The following TTC39C variants were observed in gnomAD, a reference collection of about 807,000 sequenced individuals.
TTC39C encodes the protein tetratricopeptide repeat protein 39C.
TTC39C carries 33 observed loss-of-function variants against 76.3 expected under a neutral mutation model. That is an observed-to-expected ratio of 0.43 (90% confidence interval 0.33 to 0.58). The LOEUF is 0.58. TTC39C is among the 20% of genes least tolerant of loss of function. The probability of loss-of-function intolerance (pLI) is 0.04; values close to 1 mark genes in which losing one functional copy is unlikely to be tolerated. For missense variants in TTC39C, 595 were observed against 701.4 expected, an observed-to-expected ratio of 0.85 and a Z score of 1.71; for synonymous variants, 254 against 260.6, an observed-to-expected ratio of 0.97 and a Z score of 0.24.
chr18:23,997,652 G>GAGAAAGAAAGAA (rs1176951123), intron 1 of TTC39C, among the ~76,000 whole-genome samples: 2 of 44,394 alleles, frequency 4.5e-5, no homozygotes, highest in African/African-American at 9.2e-5. Flanking sequence ...AGGAAGGAAG[G>GAGAAAGAAAGAA]AGAAAGAAAG....
chr18:24,015,220 C>T lies in TTC39C; in HGVS notation c.167+182C>T, dbSNP rs926172146. 9 of 527,128 alleles carry T rather than the reference C, an allele frequency of 1.7e-5. No individual in the cohort carries two copies. In the African/African-American group the frequency reaches 1.8e-4, roughly 11 times the overall value. 32.7% of individuals were successfully genotyped at this position (527,128 alleles called of 1,614,324 possible). A position where few individuals can be genotyped will look rare whatever the true frequency, so the allele number is the denominator to read the frequency against. ...TGCGCCTCTGCCACATCTCCTCGTC[C>T]ACCCCCTACCCCCGGCTCCGTTGTC... On this transcript the variant is annotated intron_variant, in intron 1 of 13. Transcript: ENST00000317571.
At chr18:24,130,233 C>A in intron 11 of TTC39C, 80 bp from the exon 12 acceptor site, 2 of 664,252 alleles carry the variant, frequency 3.0e-6, no homozygotes, top group South Asian at 1.9e-5. Context: ...TCCCCCTTCC[C>A]GCCCCCTCTT....
At chr18:24,110,313 G>GT (rs1252527219) in intron 6 of TTC39C, among the ~76,000 whole-genome samples, 4 of 152,200 alleles carry the variant, frequency 2.6e-5, no homozygotes, top group African/African-American at 9.6e-5. Flanking sequence ...AGCAAGCCCT[G>GT]TTTAATGGTG....
At chr18:24,031,663 C>G (rs1261862737) in intron 1 of TTC39C, among the ~76,000 whole-genome samples, 1 of 152,204 alleles carries the variant, frequency 6.6e-6, no homozygotes, top group Non-Finnish European at 1.5e-5. Context: ...ACTGGCTCAG[C>G]TGGCTGCCTT....
chr18:24,082,202 G>A (rs2084385516), intron 5 of TTC39C, among the ~76,000 whole-genome samples: 1 of 151,382 alleles, frequency 6.6e-6, no homozygotes, highest in African/African-American at 2.4e-5. Flanking sequence ...GTTTAACATG[G>A]CCATTTTTTT....
At chr18:24,070,885 A>G (rs536729428) in intron 4 of TTC39C, among the ~76,000 whole-genome samples, 24 of 152,264 alleles carry the variant, frequency 1.6e-4, no homozygotes, top group Non-Finnish European at 2.6e-4. Context: ...AGGAGGATAA[A>G]GCAAATGTAA....
At chr18:24,062,331 G>A (rs1270523681) in intron 1 of TTC39C, among the ~76,000 whole-genome samples, 1 of 152,208 alleles carries the variant, frequency 6.6e-6, no homozygotes, top group Non-Finnish European at 1.5e-5. Context: ...CTCAGCACTT[G>A]ATTGAGATGT....
intron 1 of TTC39C, among the ~76,000 whole-genome samples, chr18:24,051,766 T>C (rs2083952561): frequency 6.6e-6 from 1 of 152,240 alleles, no homozygotes; most frequent in South Asian, 2.1e-4. Context: ...AAAGCAGTTT[T>C]ACAGGTTCAG....
At chr18:24,122,000 T>C (rs1259284341) in intron 8 of TTC39C, among the ~76,000 whole-genome samples, 1 of 152,198 alleles carries the variant, frequency 6.6e-6, no homozygotes, top group Non-Finnish European at 1.5e-5. Context: ...GAGTTGTCCC[T>C]TCCTTTGAAT....
chr18:24,035,474 T>C (rs1287781670), intron 1 of TTC39C, among the ~76,000 whole-genome samples: 1 of 152,236 alleles, frequency 6.6e-6, no homozygotes, highest in African/African-American at 2.4e-5. Flanking sequence ...TTCTGGATAA[T>C]AGCCATCCTA....
At chr18:24,090,973 AT>A (rs1381620912) in intron 6 of TTC39C, among the ~76,000 whole-genome samples, 1 of 151,798 alleles carries the variant, frequency 6.6e-6, no homozygotes, top group African/African-American at 2.4e-5. Context: ...TGCCTGGCTA[AT>A]TTTTGTATTT....
intron 6 of TTC39C, chr18:24,113,592 G>A (rs1287180906): frequency 1.4e-6 from 1 of 702,368 alleles, no homozygotes; most frequent in South Asian, 1.5e-5. Context: ...CACCAGCAGA[G>A]CAAGAAAGAA....
At position 24,080,733 on chromosome 18, in the gene TTC39C, G is replaced by T; in HGVS notation, c.609G>T (p.Val203=). Residue 203 remains valine, a synonymous_variant, in exon 5 of 14, where the codon GTG becomes GTT. Coordinates refer to ENST00000317571, the MANE Select transcript of TTC39C (RefSeq NM_001135993.2). The part of the protein sequence containing the change: ...TSDAANDNHI[V]AEGVSEESLN... ...ATGCTGCAAATGATAATCACATTGT[G>T]GCTGAAGGGGTGTCTGAGGAGTCTC... 1 of 1,614,132 alleles carries T rather than the reference G, an allele frequency of 6.2e-7. No individual in the cohort carries two copies. The highest frequency in any genetic ancestry group is 8.5e-7 in the Non-Finnish European group (1 of 1,180,004).
intron 3 of TTC39C, 133 bp downstream of exon 3, chr18:24,066,273 G>A: frequency 9.1e-6 from 11 of 1,209,612 alleles, no homozygotes; most frequent in East Asian, 3.1e-5. Context: ...TGTTTCTTAT[G>A]GTTTTTGGTT....
intron 3 of TTC39C, 143 bp from the exon 4 acceptor site, chr18:24,069,014 T>C (rs2084204078): frequency 3.3e-6 from 2 of 606,432 alleles, no homozygotes; most frequent in Non-Finnish European, 5.8e-6. Context: ...GCCAGGCTCA[T>C]AGGATAAATT....
chr18:24,040,545 AT>A (rs1255276849), intron 1 of TTC39C, among the ~76,000 whole-genome samples: 1 of 152,188 alleles, frequency 6.6e-6, no homozygotes, highest in African/African-American at 2.4e-5. Flanking sequence ...ATAATAAACA[AT>A]GAATTATGTA....
chr18:24,132,052 C>A, intron 13 of TTC39C, 132 bp downstream of exon 13: 2 of 775,132 alleles, frequency 2.6e-6, no homozygotes, highest in South Asian at 2.2e-5. Flanking sequence ...AAAATGACAA[C>A]CAATTGAATC....
At chr18:24,002,439 G>T (rs2083320732) in intron 1 of TTC39C, among the ~76,000 whole-genome samples, 1 of 152,200 alleles carries the variant, frequency 6.6e-6, no homozygotes, top group Non-Finnish European at 1.5e-5. Context: ...AGACCAAATT[G>T]ACCAGCAGCC....
chr18:24,025,934 G>C (rs1031830713), intron 1 of TTC39C, among the ~76,000 whole-genome samples: 1 of 152,188 alleles, frequency 6.6e-6, no homozygotes, highest in Non-Finnish European at 1.5e-5. Context: ...GTGACGGCAG[G>C]CAGCAGGACA....
Sources: allele counts gnomAD v4.1 joint callset (sites outside exome capture counted in the v4.1 genomes callset), GRCh38; gene constraint gnomAD v4.1.1; transcripts MANE v1.5; gene names NCBI Gene and HGNC (gene_info 2026-07-23, HGNC 2026-07-21).